The following RAB3GAP2 variants were observed in gnomAD, a reference collection of about 807,000 sequenced individuals.
RAB3GAP2 encodes RAB3 GTPase activating non-catalytic protein subunit 2.
In RAB3GAP2, 87 loss-of-function variants were observed where a neutral mutation model predicts 185.3. That is an observed-to-expected ratio of 0.47 (90% CI 0.39 to 0.56). RAB3GAP2 has a LOEUF of 0.56. Among genes scored for constraint, RAB3GAP2 ranks in the 20% least tolerant of loss-of-function variants. The pLI is 0.00. For missense variants in RAB3GAP2, 1,492 were observed against 1,638.2 expected (o/e 0.91, Z 1.54); for synonymous variants, 554 against 576.1 (o/e 0.96, Z 0.55).
At chr1:220,266,808 G>A in intron 1 of RAB3GAP2, 1 of 1,595,094 alleles carries the variant, frequency 6.3e-7, no homozygotes, top group Non-Finnish European at 8.6e-7. Flanking sequence ...ATTGGCCTCT[G>A]GCTGGGAACA....
intron 7 of RAB3GAP2, 159 bp downstream of exon 7, chr1:220,210,229 C>T: frequency 1.4e-6 from 1 of 702,506 alleles, no homozygotes; most frequent in Non-Finnish European, 2.6e-6. Flanking sequence ...GTATTCTTTA[C>T]TCAGCTACAA....
Position 220,233,103 on chromosome 1 carries a change from T to A in RAB3GAP2, c.116-240A>T, listed in dbSNP as rs553918794. On this transcript the variant is annotated intron_variant, in intron 1 of 34. Transcript: ENST00000358951. ...ATTGTGTGCAAGTTATTAGTGAAAT[T>A]GTGTGTGAGTTATCTGGATCTTAAG... Among the ~76,000 whole-genome samples, 8 of 152,306 alleles carry A rather than the reference T, an allele frequency of 5.3e-5. No individual in the cohort carries two copies. The South Asian group carries it at 1.4e-3, about 28-fold the overall frequency.
At chr1:220,177,986 T>C (rs1488828547) in intron 21 of RAB3GAP2, among the ~76,000 whole-genome samples, 1 of 152,124 alleles carries the variant, frequency 6.6e-6, no homozygotes, top group African/African-American at 2.4e-5. Flanking sequence ...CAGACAAGAA[T>C]ACTCCAATTT....
intron 24 of RAB3GAP2, among the ~76,000 whole-genome samples, chr1:220,169,421 G>C (rs1179559959): frequency 6.6e-6 from 1 of 152,172 alleles, no homozygotes; most frequent in Non-Finnish European, 1.5e-5. Context: ...GTGGATATTA[G>C]GAGGAAGAAG....
Position 220,211,011 on chromosome 1 carries a change from A to G in RAB3GAP2, c.387-9T>C, listed in dbSNP as rs1367393286. 1.9e-6 allele frequency: 3 copies of G among 1,612,320 alleles called. No individual in the cohort carries two copies. The highest frequency in any genetic ancestry group is 2.7e-5 in the African/African-American group (2 of 74,888). ...CACTGGTTACACATTCCCTAAAAAC[A>G]AAAACAAAATCATATGCTTACCCAC... On this transcript the variant is annotated splice_polypyrimidine_tract_variant and intron_variant, in intron 4 of 34. Coordinates refer to ENST00000358951, the MANE Select transcript of RAB3GAP2 (RefSeq NM_012414.4).
chr1:220,261,548 G>T (rs1485716540), intron 1 of RAB3GAP2, among the ~76,000 whole-genome samples: 8 of 152,102 alleles, frequency 5.3e-5, no homozygotes, highest in Admixed American at 3.9e-4. Context: ...TAAAATATTT[G>T]TCTGGCTATC....
At position 220,167,512 on chromosome 1, in the gene RAB3GAP2, T is replaced by A. The variant is rs750276908; in HGVS notation, c.2970A>T (p.Gly990=). Residue 990 remains glycine (G), a synonymous_variant, in exon 25 of 35, where the codon GGA becomes GGT. Transcript: ENST00000358951. The part of the protein sequence containing the change: ...LEVSEMEMDL[G]AIPDLLHLAY... ...TTATTTGTGTATCACCTGGTATGGC[T>A]CCTAAGTCCATCTCCATCTCTGATA... is the stretch of plus-strand genomic sequence containing the variant. 9 of 1,614,156 alleles carry A rather than the reference T, an allele frequency of 5.6e-6. No individual in the cohort carries two copies. In the South Asian group the frequency reaches 9.9e-5, roughly 18 times the overall value.
chr1:220,266,437 G>A (rs1051345157), intron 1 of RAB3GAP2: 2 of 467,824 alleles, frequency 4.3e-6, no homozygotes, highest in African/African-American at 3.9e-5. Context: ...CAGACTGATG[G>A]GGTGGCTGCA....
Position 220,191,116 on chromosome 1 carries a change from G to C in RAB3GAP2, c.1439C>G (p.Thr480Arg), listed in dbSNP as rs1658609903. 6.2e-7 allele frequency: 1 copy of C among 1,613,842 alleles called. No individual in the cohort carries two copies. Among genetic ancestry groups the C allele is most frequent in the African/African-American group, 1.3e-5 (1 of 74,858 alleles). Reference sequence around the variant, plus strand: ...AGCTCCTACTCTAGGTCCCTGCTGTGTGCTCCACACTTCTAAAATTCCCCT... The same window carrying C: ...AGCTCCTACTCTAGGTCCCTGCTGTCTGCTCCACACTTCTAAAATTCCCCT... ...PRRGILEVWS[T>R]QQGPRVGAFN... Residue 480 changes from threonine (T) to arginine (R), a missense_variant, in exon 14 of 35, where the codon ACA becomes AGA. Physicochemically the swap from Thr to Arg is moderately conservative, Grantham distance 71. Transcript: ENST00000358951.
chr1:220,253,852 G>C, intron 1 of RAB3GAP2: 1 of 1,612,814 alleles, frequency 6.2e-7, no homozygotes, highest in Admixed American at 1.7e-5. Flanking sequence ...GGCTGCCCCA[G>C]GAAAGAAGAC....
intron 1 of RAB3GAP2, among the ~76,000 whole-genome samples, chr1:220,248,374 GA>G (rs928151017): frequency 1.3e-5 from 2 of 150,202 alleles, no homozygotes; most frequent in Non-Finnish European, 3.0e-5. Context: ...CCAACCAAAA[GA>G]AAAAAAAATT....
At chr1:220,171,762 A>C (rs766645022) in intron 23 of RAB3GAP2, 127 bp downstream of exon 23, 5 of 1,007,622 alleles carry the variant, frequency 5.0e-6, no homozygotes, top group Non-Finnish European at 7.7e-6. Flanking sequence ...TCAATAAAGA[A>C]ATTAAGGGGA....
chr1:220,238,486 C>T (rs1008209634), intron 1 of RAB3GAP2, among the ~76,000 whole-genome samples: 7 of 152,174 alleles, frequency 4.6e-5, no homozygotes, highest in African/African-American at 9.7e-5. Context: ...CTTACTGCCT[C>T]GGCTTCCTCT....
Position 220,206,003 on chromosome 1 carries a change from C to A in RAB3GAP2, c.616G>T (p.Glu206Ter). Residue 206 changes from glutamate (E) to a stop codon, truncating the protein, a stop_gained, in exon 8 of 35, where the codon GAA becomes TAA. Coordinates refer to ENST00000358951, the MANE Select transcript of RAB3GAP2 (RefSeq NM_012414.4). LOFTEE classifies it high-confidence loss of function. ...PRHPGVTEQNEELSILYPAAI... is the reference protein window; with the variant it reads ...PRHPGVTEQN ...GCTGGATATAAGATACTCAACTCTT[C>A]ATTCTATTTAAGAAATAAAAAAAAA... The A allele has an allele frequency of 6.4e-7, 1 of 1,570,994 alleles. No homozygotes were observed. The highest frequency in any genetic ancestry group is 8.7e-7 in the Non-Finnish European group (1 of 1,145,680).
chr1:220,155,466 C>T (rs1021812104), intron 31 of RAB3GAP2, among the ~76,000 whole-genome samples: 1 of 152,220 alleles, frequency 6.6e-6, no homozygotes. Context: ...ATTTAGCATA[C>T]ACTCACAATC....
At chr1:220,199,764 A>G (rs1046806437) in intron 9 of RAB3GAP2, among the ~76,000 whole-genome samples, 3 of 152,132 alleles carry the variant, frequency 2.0e-5, no homozygotes, top group Admixed American at 2.0e-4. Context: ...AAATTAAGAA[A>G]CCCTTAATTC....
Position 220,259,335 on chromosome 1 carries a change from C to T in RAB3GAP2, c.115+12888G>A, listed in dbSNP as rs377581293. Among the ~76,000 whole-genome samples the T allele has an allele frequency of 2.6e-5, 4 of 152,238 alleles. No individual in the cohort carries two copies. The East Asian group carries it at 5.8e-4, about 22-fold the overall frequency. The stretch of plus-strand genomic sequence containing the variant: ...TCACACTACCTTATTTCAAACTATA[C>T]TGCAAGCTATAGTAACCAAAACAGT... On this transcript the variant is annotated intron_variant, in intron 1 of 34. Coordinates refer to ENST00000358951, the MANE Select transcript of RAB3GAP2 (RefSeq NM_012414.4).
chr1:220,158,758 C>A lies in RAB3GAP2; in HGVS notation c.3261+628G>T, dbSNP rs1386975988. ...GCCCTGCCATATAATCTTTTTAAAA[C>A]CAACAATCTTATAATTTCCTCACAT... On this transcript the variant is annotated intron_variant, in intron 29 of 34. Transcript: ENST00000358951. This position sits in a 1 kb window ranked among gnomAD's most constrained non-coding sequence, Gnocchi z 4.3. Among the ~76,000 whole-genome samples the A allele has an allele frequency of 8.3e-6, 1 of 119,792 alleles. No homozygotes were observed. The highest frequency in any genetic ancestry group is 1.6e-5 in the Non-Finnish European group (1 of 62,474). The allele number at this position is 119,792 out of a possible 152,430, so 78.6% of individuals were successfully genotyped here. A position where few individuals can be genotyped will look rare whatever the true frequency, so the allele number is the denominator to read the frequency against.
intron 8 of RAB3GAP2, among the ~76,000 whole-genome samples, chr1:220,203,721 T>C (rs369618479): frequency 6.6e-6 from 1 of 152,220 alleles, no homozygotes; most frequent in East Asian, 1.9e-4. Context: ...TTTTAAATGT[T>C]CTCAAGATAG....
Sources: gnomAD v4.1 joint callset for allele counts (sites outside exome capture counted in the v4.1 genomes callset) on GRCh38, gnomAD v4.1.1 for gene constraint, Gnocchi (gnomAD v3.1) non-coding constraint, MANE v1.5 for transcripts, NCBI Gene and HGNC (gene_info 2026-07-23, HGNC 2026-07-21) for gene names.